The following ELOVL5 variants were observed in gnomAD, a reference collection of about 807,000 sequenced individuals.
ELOVL5 encodes the protein very long chain fatty acid elongase 5.
ELOVL5 carries 8 observed loss-of-function variants against 38.6 expected under a neutral mutation model. The ratio of observed to expected loss-of-function variants is 0.21; its 90% CI spans 0.12 to 0.37. The LOEUF is 0.37. ELOVL5 is among the 10% of genes least tolerant of loss of function. The pLI is 1.00. For missense variants in ELOVL5, 280 were observed against 367.8 expected, an observed-to-expected ratio of 0.76 and a Z score of 1.95; for synonymous variants, 127 against 133.7, an observed-to-expected ratio of 0.95 and a Z score of 0.34.
At chr6:53,313,413 T>A (rs530550082) in intron 1 of ELOVL5, among the ~76,000 whole-genome samples, 1 of 152,142 alleles carries the variant, frequency 6.6e-6, no homozygotes, top group Non-Finnish European at 1.5e-5. Context: ...CAGGCTAGAG[T>A]GCAGTGGCAC....
chr6:53,289,819 GAGAAAAC>G (rs1334997584), intron 3 of ELOVL5, among the ~76,000 whole-genome samples: 1 of 152,194 alleles, frequency 6.6e-6, no homozygotes, highest in African/African-American at 2.4e-5. Flanking sequence ...ATATGTACAG[GAGAAAAC>G]TCGGACAAAA....
chr6:53,317,564 T>C (rs898513237), intron 1 of ELOVL5, among the ~76,000 whole-genome samples: 3 of 151,886 alleles, frequency 2.0e-5, no homozygotes, highest in African/African-American at 7.3e-5. Flanking sequence ...AAACACTGCA[T>C]GTTCTCACTC....
intron 1 of ELOVL5, among the ~76,000 whole-genome samples, chr6:53,319,524 A>G (rs9463904): frequency 0.022 from 3,315 of 152,254 alleles, 131 homozygotes; most frequent in African/African-American, 0.076. Context: ...CATAACTGAG[A>G]GTGCAGCTCT....
At chr6:53,290,003 T>C (rs1315264906) in intron 3 of ELOVL5, 1 of 152,208 alleles carries the variant, frequency 6.6e-6, no homozygotes, top group Non-Finnish European at 1.5e-5. Context: ...GTAGTTTCCC[T>C]ATTCTGTATA....
At chr6:53,279,719 A>G (rs1766285594) in intron 3 of ELOVL5, among the ~76,000 whole-genome samples, 1 of 152,264 alleles carries the variant, frequency 6.6e-6, no homozygotes, top group African/African-American at 2.4e-5. Flanking sequence ...AACTCTGTTC[A>G]CAAGATGAAA....
chr6:53,325,330 T>C (rs1276347908), intron 1 of ELOVL5, among the ~76,000 whole-genome samples: 1 of 152,114 alleles, frequency 6.6e-6, no homozygotes, highest in Non-Finnish European at 1.5e-5. Flanking sequence ...TACCCATTAC[T>C]GTGTCATAAG....
At chr6:53,343,558 A>T (rs1028358911) in intron 1 of ELOVL5, among the ~76,000 whole-genome samples, 1 of 152,144 alleles carries the variant, frequency 6.6e-6, no homozygotes. Flanking sequence ...TTCATTCTCT[A>T]TCCCTGGCCA....
intron 3 of ELOVL5, among the ~76,000 whole-genome samples, chr6:53,289,809 A>T (rs1226913200): frequency 6.6e-6 from 1 of 152,244 alleles, no homozygotes; most frequent in African/African-American, 2.4e-5. Flanking sequence ...GGGTTTTACA[A>T]TATGTACAGG....
At chr6:53,310,855 C>T (rs1478067369) in intron 1 of ELOVL5, among the ~76,000 whole-genome samples, 1 of 152,188 alleles carries the variant, frequency 6.6e-6, no homozygotes, top group African/African-American at 2.4e-5. Flanking sequence ...CCCCTCCAGA[C>T]TTTATCTCAC....
intron 3 of ELOVL5, chr6:53,277,569 A>T (rs946840423): frequency 3.9e-5 from 6 of 152,222 alleles, no homozygotes; most frequent in African/African-American, 1.4e-4. Context: ...AAATTTCTGT[A>T]GCTTCATGTT....
intron 4 of ELOVL5, 100 bp from the exon 5 acceptor site, chr6:53,275,361 T>G (rs1766072250): frequency 1.6e-6 from 2 of 1,283,290 alleles, no homozygotes; most frequent in Non-Finnish European, 2.2e-6. Context: ...TGATGTCAAC[T>G]CGGAGAAGCC....
chr6:53,335,730 A>G (rs1196966743), intron 1 of ELOVL5, among the ~76,000 whole-genome samples: 2 of 152,168 alleles, frequency 1.3e-5, no homozygotes, highest in African/African-American at 2.4e-5. Flanking sequence ...TTAGCTGCAC[A>G]TGGCCACCCA....
rs6924447 is a variant in ELOVL5, at chr6:53,318,661, G to A, written c.-8-22954C>T. On this transcript the variant is annotated intron_variant, in intron 1 of 7. Coordinates refer to ENST00000304434, the MANE Select transcript of ELOVL5 (RefSeq NM_021814.5). ...AGGCTGAGGTGAGAGGATGGCTTGAGCCCAGGCGGTGCTGGCTGCAGTGAG... is the reference window on the plus strand; with the variant it reads ...AGGCTGAGGTGAGAGGATGGCTTGAACCCAGGCGGTGCTGGCTGCAGTGAG... 3.1e-3 allele frequency among the ~76,000 whole-genome samples: 477 copies of A among 152,096 alleles called. 2 individuals carry two copies. Among genetic ancestry groups the A allele is most frequent in the African/African-American group, 0.011 (452 of 41,466 alleles).
chr6:53,336,604 A>T (rs1313668432), intron 1 of ELOVL5, among the ~76,000 whole-genome samples: 1 of 152,148 alleles, frequency 6.6e-6, no homozygotes, highest in East Asian at 1.9e-4. Flanking sequence ...TGAGGCTGCA[A>T]TGAGCTGAGA....
At chr6:53,325,285 T>A (rs927126889) in intron 1 of ELOVL5, among the ~76,000 whole-genome samples, 10 of 152,200 alleles carry the variant, frequency 6.6e-5, no homozygotes, top group African/African-American at 2.4e-4. Flanking sequence ...TCATGTATGA[T>A]TCTTCAATCT....
Position 53,270,636 on chromosome 6 carries a change from T to C in ELOVL5, c.713A>G (p.Tyr238Cys). 6.2e-7 allele frequency: 1 copy of C among 1,614,172 alleles called. No individual in the cohort carries two copies. The highest frequency in any genetic ancestry group is 8.5e-7 in the Non-Finnish European group (1 of 1,180,022). ...GAAGAGAGCAATCAGGGAAATCATG[T>C]ATCCAATCTGGAAATACAACCAACC... ...PLGWLYFQIG[Y>C]MISLIALFTN... The change falls in exon 7 of 8, where the codon TAC (tyrosine) becomes TGC (cysteine). Residue 238 changes from tyrosine to cysteine, a missense_variant. Around this residue, in one of 3 missense-constraint regions of ELOVL5, gnomAD observed 125 missense variants for 158.9 expected, o/e 0.79. Transcript: ENST00000304434.
At chr6:53,327,404 CATT>C (rs1039195795) in intron 1 of ELOVL5, among the ~76,000 whole-genome samples, 1 of 152,156 alleles carries the variant, frequency 6.6e-6, no homozygotes, top group African/African-American at 2.4e-5. Flanking sequence ...AACTTGAAAA[CATT>C]ATGCTAAGTG....
intron 3 of ELOVL5, among the ~76,000 whole-genome samples, chr6:53,286,508 G>C (rs960546343): frequency 1.3e-5 from 2 of 152,086 alleles, no homozygotes; most frequent in Admixed American, 6.6e-5. Flanking sequence ...GGCTGCAGTG[G>C]GTGAGGTATG....
chr6:53,317,895 AT>A (rs1249596073), intron 1 of ELOVL5, among the ~76,000 whole-genome samples: 1 of 152,016 alleles, frequency 6.6e-6, no homozygotes, highest in Non-Finnish European at 1.5e-5. Context: ...CAAATGATGG[AT>A]TTTTCCCCCT....
Sources: gnomAD v4.1 joint callset for allele counts (sites outside exome capture counted in the v4.1 genomes callset) on GRCh38, gnomAD v4.1.1 for gene constraint, gnomAD v4.1.1 regional missense constraint, MANE v1.5 for transcripts, NCBI Gene and HGNC (gene_info 2026-07-23, HGNC 2026-07-21) for gene names.